Variants in PKD2L1 observed in about 807,000 individuals in gnomAD.
The protein encoded by PKD2L1 is polycystin-2-like protein 1.
A neutral mutation model predicts 93.0 loss-of-function variants in PKD2L1; 77 were observed. The observed-to-expected ratio is 0.83, with a 90% CI of 0.69 to 1.00. The LOEUF (loss-of-function observed/expected upper bound fraction) is 1.00. PKD2L1 is among the 50% of genes least tolerant of loss of function. PKD2L1 has a pLI of 0.00. For synonymous variants in PKD2L1, 390 were observed against 388.0 expected, an observed-to-expected ratio of 1.01 and a Z score of -0.06; for missense variants, 977 against 990.9, an observed-to-expected ratio of 0.99 and a Z score of 0.19.
intron 12 of PKD2L1, among the ~76,000 whole-genome samples, chr10:100,290,911 A>G (rs1848392586): frequency 6.6e-6 from 1 of 152,214 alleles, no homozygotes; most frequent in Non-Finnish European, 1.5e-5. Flanking sequence ...TCCAAGTCTG[A>G]AAATTCCCAA....
intron 9 of PKD2L1, 53 bp from the exon 10 acceptor site, chr10:100,293,432 T>A: frequency 8.8e-7 from 1 of 1,133,030 alleles, no homozygotes; most frequent in South Asian, 1.2e-5. Context: ...ACTGAAAGGA[T>A]TGAGCCCACT....
intron 2 of PKD2L1, among the ~76,000 whole-genome samples, chr10:100,301,198 C>A (rs567951325): frequency 6.6e-6 from 1 of 152,262 alleles, no homozygotes; most frequent in East Asian, 1.9e-4. Context: ...GATCACAAGG[C>A]AGAAGGTCAA....
At chr10:100,305,177 T>G (rs1365681458) in intron 2 of PKD2L1, among the ~76,000 whole-genome samples, 1 of 151,024 alleles carries the variant, frequency 6.6e-6, no homozygotes, top group Admixed American at 6.6e-5. Flanking sequence ...AGTGGCGTGA[T>G]CTCAGCTCAC....
chr10:100,328,674 A>G (rs4919455), intron 2 of PKD2L1, among the ~76,000 whole-genome samples: 6,539 of 150,998 alleles, frequency 0.043, 289 homozygotes, highest in African/African-American at 0.11. Flanking sequence ...GGCTCACTGC[A>G]ACCTCTGCTC....
At chr10:100,313,133 C>A (rs2133560351) in intron 2 of PKD2L1, among the ~76,000 whole-genome samples, 1 of 152,292 alleles carries the variant, frequency 6.6e-6, no homozygotes, top group African/African-American at 2.4e-5. Flanking sequence ...TGCACTTGCT[C>A]TTACTGTCCT....
intron 9 of PKD2L1, 57 bp downstream of exon 9, chr10:100,294,478 G>A: frequency 6.3e-7 from 1 of 1,599,372 alleles, no homozygotes; most frequent in Non-Finnish European, 8.6e-7. Context: ...GACATACTAG[G>A]ACCAAAACTC....
chr10:100,305,856 G>T (rs796400043), intron 2 of PKD2L1, among the ~76,000 whole-genome samples: 31 of 152,210 alleles, frequency 2.0e-4, no homozygotes, highest in African/African-American at 7.2e-4. Context: ...GCAAACTTTA[G>T]CATGCATCAG....
chr10:100,292,682 T>G (rs1848430885), intron 11 of PKD2L1, among the ~76,000 whole-genome samples: 1 of 152,062 alleles, frequency 6.6e-6, no homozygotes, highest in African/African-American at 2.4e-5. Context: ...GGGGTGTGTA[T>G]TCAATGATTA....
Position 100,295,012 on chromosome 10 carries a change from C to T in PKD2L1, c.1468G>A (p.Ala490Thr), listed in dbSNP as rs146666601. Residue 490 changes from alanine to threonine, a missense_variant, in exon 8 of 16, where the codon GCC becomes ACC. Transcript: ENST00000318222. ...AGCAGGTAGCCGAGTTGGGCATAGG[C>T]GAAGAAAACAATGAAGAACATGACG... ...FAVMFFIVFF[A>T]YAQLGYLLFG... 9.3e-6 allele frequency: 15 copies of T among 1,613,978 alleles called. No homozygotes were observed. Among genetic ancestry groups the T allele is most frequent in the African/African-American group, 2.7e-5 (2 of 74,890 alleles).
In PKD2L1 at chr10:100,288,977, T is replaced by C; in HGVS notation, c.2330A>G (p.Glu777Gly). 1.2e-6 allele frequency: 2 copies of C among 1,601,374 alleles called. No homozygotes were observed. The highest frequency in any genetic ancestry group is 1.7e-6 in the Non-Finnish European group (2 of 1,172,144). ...PDPWGVQGGQ[E>G]SEVPYKREEE... ...CTTTAGGCCCCCTTCCTCACCACTC[T>C]CCTGCCCACCCTGGACTCCCCAGGG... is the stretch of plus-strand genomic sequence containing the variant. The change falls in exon 15 of 16, where the codon GAG becomes GGG. Residue 777 changes from glutamate to glycine, a missense_variant. Transcript: ENST00000318222.
chr10:100,328,500 G>A (rs554677898), intron 2 of PKD2L1, among the ~76,000 whole-genome samples: 1 of 151,872 alleles, frequency 6.6e-6, no homozygotes, highest in Non-Finnish European at 1.5e-5. Context: ...CTTTTTCTCT[G>A]CCTCTAAAGA....
chr10:100,314,994 GGAAGGAAGGAAGGAAGGAAGGGAA>G (rs1849051472), intron 2 of PKD2L1, among the ~76,000 whole-genome samples: 1 of 13,508 alleles, frequency 7.4e-5, no homozygotes, highest in Non-Finnish European at 1.2e-4. Flanking sequence ...AAGGAAGGAA[GGAAGGAAGGAAGGAAGGAAGGGAA>G]GGGAAGGGAA....
At chr10:100,294,448 CTT>C (rs1328810647) in intron 9 of PKD2L1, 85 bp downstream of exon 9, 23 of 1,427,678 alleles carry the variant, frequency 1.6e-5, no homozygotes, top group South Asian at 5.8e-5. Flanking sequence ...ATTTGAGAAA[CTT>C]ATCAATCCTG....
intron 2 of PKD2L1, among the ~76,000 whole-genome samples, chr10:100,328,971 C>T (rs779246980): frequency 4.6e-5 from 7 of 152,216 alleles, no homozygotes; most frequent in African/African-American, 1.4e-4. Flanking sequence ...ACTGGTTTCC[C>T]CTTGTAATTC....
chr10:100,302,697 A>ACC (rs1564886075), intron 2 of PKD2L1, among the ~76,000 whole-genome samples: 17 of 149,640 alleles, frequency 1.1e-4, no homozygotes, highest in East Asian at 4.0e-4. Context: ...GTCCCCCAAA[A>ACC]AAAAAAAAAA....
At chr10:100,311,441 A>T (rs769014929) in intron 2 of PKD2L1, among the ~76,000 whole-genome samples, 6 of 152,202 alleles carry the variant, frequency 3.9e-5, no homozygotes, top group Non-Finnish European at 8.8e-5. Flanking sequence ...ATGACTAATA[A>T]TTATTATTAA....
intron 6 of PKD2L1, 152 bp from the exon 7 acceptor site, chr10:100,296,444 A>T: frequency 3.4e-6 from 2 of 581,712 alleles, no homozygotes; most frequent in Non-Finnish European, 5.8e-6. Context: ...TTTCAAATGG[A>T]ACTTGGTAGG....
chr10:100,315,012 A>G (rs1186528785), intron 2 of PKD2L1, among the ~76,000 whole-genome samples: 1 of 9,784 alleles, frequency 1.0e-4, no homozygotes, highest in Non-Finnish European at 1.6e-4. Context: ...GGAAGGAAGG[A>G]AGGGAAGGGA....
intron 2 of PKD2L1, among the ~76,000 whole-genome samples, chr10:100,309,439 G>A (rs546955724): frequency 1.3e-5 from 2 of 151,994 alleles, no homozygotes; most frequent in South Asian, 2.1e-4. Flanking sequence ...CAAGTTATAG[G>A]CTGAAGTTTC....
Sources: allele counts gnomAD v4.1 joint callset (sites outside exome capture counted in the v4.1 genomes callset), GRCh38; gene constraint gnomAD v4.1.1; transcripts MANE v1.5; gene names NCBI Gene and HGNC (gene_info 2026-07-23, HGNC 2026-07-21).